The following HMCN1 variants were observed in gnomAD, a reference collection of about 807,000 sequenced individuals.
The protein encoded by HMCN1 is hemicentin-1.
A neutral mutation model predicts 625.9 loss-of-function variants in HMCN1; 321 were observed. The ratio of observed to expected loss-of-function variants is 0.51; its 90% CI spans 0.47 to 0.56. The LOEUF (loss-of-function observed/expected upper bound fraction) is 0.56, where lower values mean the gene tolerates loss of function less well. HMCN1 is among the 20% of genes least tolerant of loss of function. HMCN1 has a pLI of 0.00. For synonymous variants in HMCN1, 2,425 were observed against 2,417.6 expected, an observed-to-expected ratio of 1.00 and a Z score of -0.09; for missense variants, 6,588 against 6,887.3, an observed-to-expected ratio of 0.96 and a Z score of 1.54.
At chr1:185,983,788 G>T (rs1651821740) in intron 18 of HMCN1, among the ~76,000 whole-genome samples, 1 of 152,132 alleles carries the variant, frequency 6.6e-6, no homozygotes, top group South Asian at 2.1e-4. Flanking sequence ...ATATCAAATG[G>T]CTTGCTAGTG....
At position 186,095,517 on chromosome 1, in the gene HMCN1, C is replaced by G. The variant is rs1480330117; in HGVS notation, c.10569C>G (p.Val3523=). 1 of 1,613,166 alleles carries G rather than the reference C, an allele frequency of 6.2e-7. No individual in the cohort carries two copies. The highest frequency in any genetic ancestry group is 8.5e-7 in the Non-Finnish European group (1 of 1,179,478). ...TCAGCAAGCACTTTATCCTCAAGGT[C>G]CTAGGTATGTAAACATTGTGGTAAA... ...GEVSKHFILK[V]LEPPHINGSE... Residue 3523 remains valine (V), a synonymous_variant, in exon 68 of 107, where the codon GTC becomes GTG. Transcript: ENST00000271588.
rs1425496568 is a variant in HMCN1, at chr1:186,115,286, C to T, written c.11433C>T (p.Thr3811=). The T allele has an allele frequency of 5.0e-6, 8 of 1,613,946 alleles. No homozygotes were observed. Among genetic ancestry groups the T allele is most frequent in the Non-Finnish European group, 1.7e-6 (2 of 1,179,948 alleles). The part of the protein sequence containing the change: ...HVPPSIAPGP[T]NMTVIVNVQT... ...CTCCATCTATTGCTCCGGGTCCTAC[C>T]AACATGACTGTAATAGTAAATGTTC... The change falls in exon 75 of 107, where the codon ACC becomes ACT. Residue 3811 remains threonine, a synonymous_variant. Transcript: ENST00000271588.
rs201597724 is a variant in HMCN1, at chr1:185,994,772, A to T, written c.3506-43A>T. ...TCGTTTAAAGTGAGTAAAGAAAGGA[A>T]TTTGTGAAAGTTGGATTATTAATAC... On this transcript the variant is annotated intron_variant, in intron 23 of 106. Coordinates refer to ENST00000271588, the MANE Select transcript of HMCN1 (RefSeq NM_031935.3). 1.1e-4 allele frequency: 176 copies of T among 1,588,036 alleles called. No homozygotes were observed. The African/African-American group carries it at 1.9e-3, about 17-fold the overall frequency.
chr1:185,768,415 T>C (rs369259781), intron 1 of HMCN1, among the ~76,000 whole-genome samples: 18 of 152,258 alleles, frequency 1.2e-4, no homozygotes, highest in African/African-American at 3.6e-4. Context: ...GTGGGAGAAG[T>C]TGGCTTAATC....
intron 2 of HMCN1, among the ~76,000 whole-genome samples, chr1:185,862,131 A>C (rs1662910729): frequency 6.6e-6 from 1 of 152,288 alleles, no homozygotes; most frequent in East Asian, 1.9e-4. Context: ...TTCTATAAAA[A>C]AAGAATCTCA....
chr1:185,864,713 T>C (rs1385609934), intron 3 of HMCN1, 85 bp downstream of exon 3: 1 of 1,188,916 alleles, frequency 8.4e-7, no homozygotes, highest in East Asian at 2.4e-5. Flanking sequence ...CCATGTGTGG[T>C]CAATAACAAT....
chr1:185,814,701 T>A lies in HMCN1; in HGVS notation c.269-31325T>A, dbSNP rs934989206. On this transcript the variant is annotated intron_variant, in intron 1 of 106. Transcript: ENST00000271588. ...TTTTTTAATTATTATTATTTATTTTTTTTTTTTTGAGATGCAGTATCACTC... is the reference window on the plus strand; with the variant it reads ...TTTTTTAATTATTATTATTTATTTTATTTTTTTTGAGATGCAGTATCACTC... Among the ~76,000 whole-genome samples, 645 of 147,512 alleles carry A rather than the reference T, an allele frequency of 4.4e-3. 81 individuals are homozygous for A. Among genetic ancestry groups the A allele is most frequent in the African/African-American group, 0.016 (605 of 37,830 alleles).
At chr1:185,942,398 T>C (rs1668128132) in intron 11 of HMCN1, among the ~76,000 whole-genome samples, 2 of 151,990 alleles carry the variant, frequency 1.3e-5, no homozygotes, top group Non-Finnish European at 2.9e-5. Flanking sequence ...GTTGGAGAGG[T>C]TAAATGATAG....
chr1:185,947,081 A>G (rs1196513931), intron 11 of HMCN1, among the ~76,000 whole-genome samples: 2 of 152,184 alleles, frequency 1.3e-5, no homozygotes, highest in African/African-American at 4.8e-5. Flanking sequence ...GGGGGCGGGT[A>G]AATCCAGCAT....
At chr1:185,748,594 T>C in intron 1 of HMCN1, among the ~76,000 whole-genome samples, 1 of 152,232 alleles carries the variant, frequency 6.6e-6, no homozygotes, top group East Asian at 1.9e-4. Flanking sequence ...GGATTTGATT[T>C]ATCTTGACAA....
Position 186,152,885 on chromosome 1 carries a change from A to G in HMCN1, c.15018+14A>G, listed in dbSNP as rs182672299. 1.9e-5 allele frequency: 31 copies of G among 1,613,508 alleles called. No individual in the cohort carries two copies. In the African/African-American group the frequency reaches 2.4e-4, roughly 12 times the overall value. On this transcript the variant is annotated intron_variant, in intron 96 of 106. Transcript: ENST00000271588. ...GTCACTGTAAAGGTAAAATGCCAGGATAACTTGTCTTTGCTGCTTATTAGA... is the reference window on the plus strand; with the variant it reads ...GTCACTGTAAAGGTAAAATGCCAGGGTAACTTGTCTTTGCTGCTTATTAGA...
intron 86 of HMCN1, 91 bp from the exon 87 acceptor site, chr1:186,136,577 T>A: frequency 8.1e-7 from 1 of 1,231,164 alleles, no homozygotes; most frequent in Non-Finnish European, 1.2e-6. Context: ...AATCAATCAC[T>A]TTTTTCAAAA....
intron 1 of HMCN1, among the ~76,000 whole-genome samples, chr1:185,822,449 A>T (rs1298634638): frequency 2.6e-5 from 4 of 152,106 alleles, no homozygotes; most frequent in Non-Finnish European, 5.9e-5. Flanking sequence ...AAAACACCCA[A>T]ACTGAGTGTT....
chr1:185,843,327 G>A (rs1454950831), intron 1 of HMCN1, among the ~76,000 whole-genome samples: 1 of 152,158 alleles, frequency 6.6e-6, no homozygotes, highest in South Asian at 2.1e-4. Context: ...GTCGGCAGGA[G>A]AAAGAAAAGG....
rs147891898 is a variant in HMCN1 at position 186,120,081 on chromosome 1, T to G, written c.12165T>G (p.Thr4055=). Residue 4055 remains threonine (T), a synonymous_variant, in exon 80 of 107, where the codon ACT becomes ACG. Coordinates refer to ENST00000271588, the MANE Select transcript of HMCN1 (RefSeq NM_031935.3). Reference sequence around the variant, plus strand: ...GAGCTGTCCGAGAGGATGCTGGCACTTACATGTGTGTGGCCCAGAACCCGG... The same window carrying G: ...GAGCTGTCCGAGAGGATGCTGGCACGTACATGTGTGTGGCCCAGAACCCGG... The part of the protein sequence containing the change: ...ISRAVREDAG[T]YMCVAQNPAG... 368 of 1,613,962 alleles carry G rather than the reference T, an allele frequency of 2.3e-4. No homozygotes were observed. Among genetic ancestry groups the G allele is most frequent in the Non-Finnish European group, 3.0e-4 (355 of 1,179,992 alleles).
chr1:186,164,834 C>T (rs1651776251), intron 97 of HMCN1, among the ~76,000 whole-genome samples: 1 of 152,142 alleles, frequency 6.6e-6, no homozygotes, highest in African/African-American at 2.4e-5. Context: ...TATCTTGGAC[C>T]CTTTTTAGTT....
At position 186,189,716 on chromosome 1, in the gene HMCN1, G is replaced by C; in HGVS notation, c.16746G>C (p.Leu5582Phe). The change falls in exon 107 of 107, where the codon TTG becomes TTC. Residue 5582 changes from leucine to phenylalanine, a missense_variant. By Grantham distance (22) the Leu-to-Phe change is conservative. This residue lies in a region of HMCN1 where 1,954 missense variants were observed against 2,013.1 expected (regional missense o/e 0.97). Coordinates refer to ENST00000271588, the MANE Select transcript of HMCN1 (RefSeq NM_031935.3). ...AGGAACAGACTGTTCCTTTTGCCTT[G>C]AGGGATGAAAACCTGAAAGGAGTGG... ...VDEEQTVPFA[L>F]RDENLKGVVY... 6.2e-7 allele frequency: 1 copy of C among 1,613,484 alleles called. No homozygotes were observed. The highest frequency in any genetic ancestry group is 8.5e-7 in the Non-Finnish European group (1 of 1,179,624).
At chr1:186,141,252 G>T (rs556837178) in intron 89 of HMCN1, among the ~76,000 whole-genome samples, 2 of 152,106 alleles carry the variant, frequency 1.3e-5, no homozygotes, top group African/African-American at 4.8e-5. Flanking sequence ...AGCTTTGCTC[G>T]CTTGCCAAGC....
intron 2 of HMCN1, among the ~76,000 whole-genome samples, chr1:185,858,595 T>C (rs1255077472): frequency 1.6e-5 from 1 of 61,108 alleles, no homozygotes; most frequent in African/African-American, 7.4e-5. Context: ...AATTTTTTTT[T>C]TTTTTTTTTT....
Sources: gnomAD v4.1 joint callset for allele counts (sites outside exome capture counted in the v4.1 genomes callset) on GRCh38, gnomAD v4.1.1 for gene constraint, gnomAD v4.1.1 regional missense constraint, MANE v1.5 for transcripts, NCBI Gene and HGNC (gene_info 2026-07-23, HGNC 2026-07-21) for gene names.